The following ZNF717 variants were observed in gnomAD, a reference collection of about 807,000 sequenced individuals.
ZNF717 encodes the protein zinc finger protein 717, also known as krueppel-like factor X17.
A neutral mutation model predicts 13.8 loss-of-function variants in ZNF717; 9 were observed. The observed-to-expected ratio is 0.65, with a 90% CI of 0.39 to 1.14. ZNF717 has a LOEUF of 1.14. Among genes scored for constraint, ZNF717 ranks in the 50% most tolerant of loss-of-function variants. The probability of loss-of-function intolerance (pLI) is 0.01; values close to 1 mark genes in which losing one functional copy is unlikely to be tolerated. For synonymous variants in ZNF717, 327 were observed against 364.1 expected, an observed-to-expected ratio of 0.90 and a Z score of 1.16; for missense variants, 1,040 against 1,080.7, an observed-to-expected ratio of 0.96 and a Z score of 0.53.
downstream of ZNF717, among the ~76,000 whole-genome samples, chr3:75,725,601 A>T (rs1464794348): frequency 1.3e-5 from 2 of 152,230 alleles, no homozygotes; most frequent in African/African-American, 2.4e-5. Flanking sequence ...TTATAAAGAA[A>T]AATAAGTTTA....
At chr3:75,765,035 ATG>A (rs150835839) in intron 2 of ZNF717, among the ~76,000 whole-genome samples, 7,877 of 80,706 alleles carry the variant, frequency 0.098, 785 homozygotes, top group African/African-American at 0.28. Context: ...ATATATGTAT[ATG>A]TGTGTGTGTG....
At chr3:75,778,688 T>C (rs1422832723) in intron 2 of ZNF717, among the ~76,000 whole-genome samples, 1 of 150,692 alleles carries the variant, frequency 6.6e-6, no homozygotes, top group African/African-American at 2.5e-5. Flanking sequence ...CCCAAAACAA[T>C]GGGAGTGACG....
chr3:75,707,180 A>C (rs1475385924), downstream of ZNF717, among the ~76,000 whole-genome samples: 1 of 152,190 alleles, frequency 6.6e-6, no homozygotes, highest in African/African-American at 2.4e-5. Context: ...ATCCAACTTC[A>C]GCCTAGTGCT....
chr3:75,765,560 AC>A lies in ZNF717; in HGVS notation c.57+17745del, dbSNP rs1943397402. On this transcript the variant is annotated intron_variant, in intron 2 of 4. Coordinates refer to ENST00000652011, the MANE Select transcript of ZNF717 (RefSeq NM_001290208.3). ...CGAATAGTTGGGACTACAGGTGCAC[AC>A]CACGATGTCAGGCTAATTTTTGGTT... 2.6e-5 allele frequency among the ~76,000 whole-genome samples: 4 copies of A among 152,226 alleles called. No homozygotes were observed. The South Asian group carries it at 8.3e-4, about 32-fold the overall frequency.
chr3:75,776,330 T>C (rs539926752), intron 2 of ZNF717, among the ~76,000 whole-genome samples: 148 of 152,398 alleles, frequency 9.7e-4, no homozygotes, highest in African/African-American at 3.4e-3. Flanking sequence ...AGGAAAACAA[T>C]CAAAACTTCA....
intron 2 of ZNF717, among the ~76,000 whole-genome samples, chr3:75,745,113 G>C (rs1464480586): frequency 4.0e-5 from 6 of 150,784 alleles, no homozygotes; most frequent in African/African-American, 1.2e-4. Context: ...TGCTACGAGG[G>C]TCTGAATGTT....
chr3:75,728,494 C>T (rs77726228), downstream of ZNF717, among the ~76,000 whole-genome samples: 78 of 152,348 alleles, frequency 5.1e-4, no homozygotes, highest in African/African-American at 1.7e-3. Context: ...GTGTCCCCAC[C>T]CAAATCTCAC....
At chr3:75,722,581 G>A (rs1938190675) in intron 4 of ZNF717, among the ~76,000 whole-genome samples, 1 of 152,060 alleles carries the variant, frequency 6.6e-6, no homozygotes, top group South Asian at 2.1e-4. Context: ...TTCAGAGGCT[G>A]AGGCGGGCGG....
At chr3:75,719,799 A>C (rs1938133468) in intron 4 of ZNF717, among the ~76,000 whole-genome samples, 3 of 152,064 alleles carry the variant, frequency 2.0e-5, no homozygotes, top group Non-Finnish European at 2.9e-5. Flanking sequence ...TCTACTAAAA[A>C]TACAAAAAAT....
At chr3:75,745,790 C>G (rs1384709189) in intron 2 of ZNF717, among the ~76,000 whole-genome samples, 1 of 151,584 alleles carries the variant, frequency 6.6e-6, no homozygotes, top group Non-Finnish European at 1.5e-5. Context: ...TCAAAAATGA[C>G]AGGGTTTTCT....
intron 4 of ZNF717, among the ~76,000 whole-genome samples, chr3:75,720,529 G>C (rs1477582669): frequency 1.3e-4 from 20 of 152,238 alleles, no homozygotes; most frequent in South Asian, 8.3e-4. Flanking sequence ...CTTCCTATTA[G>C]GTACTATGTT....
Position 75,737,882 on chromosome 3 carries a change from G to T in ZNF717, c.1741C>A (p.His581Asn), listed in dbSNP as rs1288146417. The T allele has an allele frequency of 1.9e-6, 3 of 1,547,202 alleles. No individual in the cohort carries two copies. Among genetic ancestry groups the T allele is most frequent in the South Asian group, 2.4e-5 (2 of 83,948 alleles). The change falls in exon 5 of 5, where the codon CAT becomes AAT. Residue 581 changes from histidine to asparagine, a missense_variant. His to Asn is a moderately conservative substitution (Grantham distance 68). Transcript: ENST00000652011. ...TTTTTGCCAGCATGAGTTCTCTGAT[G>T]TATAGTTAGGAATGACTTACAGTGA... is the stretch of plus-strand genomic sequence containing the variant. ...SFHCKSFLTI[H>N]QRTHAGKKPY...
At chr3:75,733,798 A>AAAAAAAAAAG (rs1466437540), downstream of ZNF717, among the ~76,000 whole-genome samples, 5 of 118,820 alleles carry the variant, frequency 4.2e-5, no homozygotes, top group East Asian at 2.4e-4. Context: ...AAAAAAAAAA[A>AAAAAAAAAAG]AATTACATTC....
chr3:75,698,091 C>A (rs113206665), intron 6 of ZNF717, among the ~76,000 whole-genome samples: 20,300 of 123,040 alleles, frequency 0.16, 3 homozygotes, highest in South Asian at 0.29. Context: ...GTCTAAACAG[C>A]AAAGCATTTG....
At chr3:75,720,004 G>A (rs1251194263) in intron 4 of ZNF717, among the ~76,000 whole-genome samples, 9 of 102,130 alleles carry the variant, frequency 8.8e-5, no homozygotes, top group African/African-American at 2.3e-4. Flanking sequence ...TAATAACCAC[G>A]GATTTTTGCA....
intron 6 of ZNF717, among the ~76,000 whole-genome samples, chr3:75,696,154 C>T (rs1368775822): frequency 1.4e-4 from 21 of 152,060 alleles, no homozygotes; most frequent in Middle Eastern, 3.4e-3. Flanking sequence ...TTCAGAAAAT[C>T]AAAGGATCAT....
Position 75,737,975 on chromosome 3 carries a change from G to A in ZNF717, c.1648C>T (p.Leu550Phe). 2 of 1,544,302 alleles carry A rather than the reference G, an allele frequency of 1.3e-6. No individual in the cohort carries two copies. Among genetic ancestry groups the A allele is most frequent in the South Asian group, 1.2e-5 (1 of 83,396 alleles). The change falls in exon 5 of 5, where the codon CTT (leucine) becomes TTT (phenylalanine). Residue 550 changes from leucine (L) to phenylalanine (F), a missense_variant. Transcript: ENST00000652011. Reference protein sequence around the residue: ...CGKTYSHKSYLTVHHRTHTGE... With the variant: ...CGKTYSHKSYFTVHHRTHTGE... ...GTGTGAGTTCTGTGATGTACTGTAA[G>A]GTATGACTTGTGGCTATATGTTTTT...
intron 2 of ZNF717, among the ~76,000 whole-genome samples, chr3:75,765,790 T>C (rs1478085587): frequency 6.6e-6 from 1 of 151,992 alleles, no homozygotes; most frequent in Non-Finnish European, 1.5e-5. Flanking sequence ...CAAAAGAAGT[T>C]AGGAAAGAAT....
chr3:75,701,242 C>T (rs1216366820), intron 6 of ZNF717, among the ~76,000 whole-genome samples: 1 of 152,304 alleles, frequency 6.6e-6, no homozygotes, highest in African/African-American at 2.4e-5. Flanking sequence ...ACTCTTCCCC[C>T]TTTGCTTCAC....
Sources: gnomAD v4.1 joint callset for allele counts (sites outside exome capture counted in the v4.1 genomes callset) on GRCh38, gnomAD v4.1.1 for gene constraint, MANE v1.5 for transcripts, NCBI Gene and HGNC (gene_info 2026-07-23, HGNC 2026-07-21) for gene names.